Variants in TINAG observed in about 807,000 individuals in gnomAD.
TINAG encodes the protein tubulointerstitial nephritis antigen.
Under a neutral mutation model 72.7 loss-of-function variants are expected in TINAG, and 83 were observed. The ratio of observed to expected loss-of-function variants is 1.14; its 90% CI spans 0.96 to 1.37. TINAG has a LOEUF of 1.37. Ranked by LOEUF, TINAG falls within the 40% of genes most tolerant of loss-of-function variation. The pLI, the probability that TINAG is intolerant of heterozygous loss-of-function variation, is 0.00. For missense variants in TINAG, 685 were observed against 576.6 expected (o/e 1.19, Z -1.93); for synonymous variants, 234 against 189.9 (o/e 1.23, Z -1.91).
intron 8 of TINAG, 125 bp from the exon 9 acceptor site, chr6:54,354,388 A>G (rs1785340812): frequency 2.3e-6 from 2 of 853,912 alleles, no homozygotes; most frequent in African/African-American, 3.5e-5. Flanking sequence ...AGGCTGAATC[A>G]CACAGCCCCT....
intron 5 of TINAG, 131 bp from the exon 6 acceptor site, chr6:54,347,236 G>A: frequency 1.2e-6 from 1 of 824,952 alleles, no homozygotes; most frequent in Non-Finnish European, 1.8e-6. Context: ...ATATATTAAT[G>A]CTCTTTGGCT....
At chr6:54,364,895 C>T (rs910976915) in intron 9 of TINAG, among the ~76,000 whole-genome samples, 3 of 151,358 alleles carry the variant, frequency 2.0e-5, no homozygotes, top group African/African-American at 4.8e-5. Context: ...ATTTTCCATA[C>T]AAATAAATTT....
chr6:54,346,348 A>T (rs555720802), intron 5 of TINAG, among the ~76,000 whole-genome samples: 2 of 152,128 alleles, frequency 1.3e-5, no homozygotes, highest in South Asian at 2.1e-4. Flanking sequence ...GAATGAACTA[A>T]TAACAATTAC....
chr6:54,332,820 A>G (rs1784772559), intron 4 of TINAG, among the ~76,000 whole-genome samples: 1 of 152,200 alleles, frequency 6.6e-6, no homozygotes. Flanking sequence ...ATGAACAGAC[A>G]CTTCTCAAAA....
At chr6:54,372,719 A>AATAC (rs1417457608) in intron 9 of TINAG, among the ~76,000 whole-genome samples, 77 of 131,962 alleles carry the variant, frequency 5.8e-4, no homozygotes, top group Admixed American at 5.5e-3. Context: ...ATATTATATA[A>AATAC]ATACATACAT....
At chr6:54,337,381 G>T (rs1181146268) in intron 4 of TINAG, among the ~76,000 whole-genome samples, 1 of 151,400 alleles carries the variant, frequency 6.6e-6, no homozygotes, top group African/African-American at 2.4e-5. Context: ...AGCCTCCTGA[G>T]TAGCTGGGAT....
At chr6:54,322,455 G>A (rs146067740) in intron 3 of TINAG, among the ~76,000 whole-genome samples, 38 of 152,168 alleles carry the variant, frequency 2.5e-4, no homozygotes, top group African/African-American at 7.9e-4. Flanking sequence ...GCCATTGAAC[G>A]AATCTCGATA....
intron 5 of TINAG, among the ~76,000 whole-genome samples, chr6:54,343,664 T>A (rs1785055007): frequency 6.6e-6 from 1 of 151,886 alleles, no homozygotes; most frequent in South Asian, 2.1e-4. Flanking sequence ...AAGGTTCTTT[T>A]TCATTCATAT....
intron 4 of TINAG, among the ~76,000 whole-genome samples, chr6:54,342,645 G>A (rs554597770): frequency 6.6e-6 from 1 of 152,240 alleles, no homozygotes; most frequent in East Asian, 1.9e-4. Context: ...TGGGATTACA[G>A]GCGTGAGCCA....
chr6:54,320,297 T>C (rs182791822), intron 1 of TINAG, among the ~76,000 whole-genome samples: 4 of 152,254 alleles, frequency 2.6e-5, no homozygotes, highest in East Asian at 3.9e-4. Context: ...AATTATTTTT[T>C]AAGCATAGTG....
intron 4 of TINAG, among the ~76,000 whole-genome samples, chr6:54,334,790 A>G (rs1325648088): frequency 6.6e-6 from 1 of 152,188 alleles, no homozygotes; most frequent in Admixed American, 6.5e-5. Context: ...GCGTTGGCCA[A>G]TTCAGGTTCA....
Position 54,377,230 on chromosome 6 carries a change from G to C in TINAG, c.1251-3296G>C, listed in dbSNP as rs566347224. On this transcript the variant is annotated intron_variant, in intron 9 of 10. Transcript: ENST00000259782. ...CAAAGGTATAGAAATAACCTCAGTA[G>C]GCCAGGTACAGTGGCTCACACCTAT... 1.1e-4 allele frequency among the ~76,000 whole-genome samples: 16 copies of C among 152,250 alleles called. No homozygotes were observed. The East Asian group carries it at 3.1e-3, about 29-fold the overall frequency.
rs372092871 is a variant in TINAG at position 54,321,374 on chromosome 6, A to T, written c.497A>T (p.Lys166Ile). 9 of 1,611,934 alleles carry T rather than the reference A, an allele frequency of 5.6e-6. No homozygotes were observed. Among genetic ancestry groups the T allele is most frequent in the Non-Finnish European group, 5.9e-6 (7 of 1,178,342 alleles). ...VRSELIEQVN[K>I]GDYGWTAQNY... ...TCAGAATTAATTGAACAGGTCAATAAAGGAGACTATGGGTGAGAGAAATCT... is the reference window on the plus strand; with the variant it reads ...TCAGAATTAATTGAACAGGTCAATATAGGAGACTATGGGTGAGAGAAATCT... The change falls in exon 3 of 11, where the codon AAA becomes ATA. Residue 166 changes from lysine to isoleucine, a missense_variant. Physicochemically the swap from Lys to Ile is moderately radical, Grantham distance 102. Coordinates refer to ENST00000259782, the MANE Select transcript of TINAG (RefSeq NM_014464.4).
In TINAG at chr6:54,321,284, CA is replaced by C; in HGVS notation, c.420-12del. Reference sequence around the variant, plus strand: ...AAGACCAAGCCACTTTTGTAATTGTCATATCTTTGCAGCACATGCTCAGGAC... The same window carrying C: ...AAGACCAAGCCACTTTTGTAATTGTCTATCTTTGCAGCACATGCTCAGGAC... On this transcript the variant is annotated splice_polypyrimidine_tract_variant and intron_variant, in intron 2 of 10. Coordinates refer to ENST00000259782, the MANE Select transcript of TINAG (RefSeq NM_014464.4). 1 of 1,610,148 alleles carries C rather than the reference CA, an allele frequency of 6.2e-7. No individual in the cohort carries two copies.
At chr6:54,362,791 A>G (rs1394619212) in intron 9 of TINAG, among the ~76,000 whole-genome samples, 5 of 151,472 alleles carry the variant, frequency 3.3e-5, no homozygotes, top group Non-Finnish European at 7.4e-5. Context: ...AGTTCGACAT[A>G]TCAACATTCA....
At position 54,389,951 on chromosome 6, in the gene TINAG, A is replaced by T; in HGVS notation, c.*26A>T. ...CATATCATTAAATTTCCATAAGGTC[A>T]TGCCTTTAAGTAACCCCCTAAATTG... On this transcript the variant is annotated 3_prime_UTR_variant, in exon 11 of 11. Transcript: ENST00000259782. The T allele has an allele frequency of 6.2e-7, 1 of 1,601,962 alleles. No homozygotes were observed. The highest frequency in any genetic ancestry group is 1.1e-5 in the South Asian group (1 of 87,938).
chr6:54,358,748 C>T (rs984827524), intron 9 of TINAG, among the ~76,000 whole-genome samples: 2 of 151,770 alleles, frequency 1.3e-5, no homozygotes, highest in Non-Finnish European at 2.9e-5. Context: ...TTTTACTTCA[C>T]CCTGCTGCAT....
chr6:54,363,278 A>G (rs1763295983), intron 9 of TINAG, among the ~76,000 whole-genome samples: 1 of 151,628 alleles, frequency 6.6e-6, no homozygotes, highest in Non-Finnish European at 1.5e-5. Context: ...TTTTAAGTAG[A>G]AAAGTGGCAT....
At chr6:54,362,248 C>T (rs763785427) in intron 9 of TINAG, among the ~76,000 whole-genome samples, 1 of 151,670 alleles carries the variant, frequency 6.6e-6, no homozygotes, top group Non-Finnish European at 1.5e-5. Flanking sequence ...GATATCAAAG[C>T]TTCAAAGGAC....
Sources: allele counts gnomAD v4.1 joint callset (sites outside exome capture counted in the v4.1 genomes callset), GRCh38; gene constraint gnomAD v4.1.1; transcripts MANE v1.5; gene names NCBI Gene and HGNC (gene_info 2026-07-23, HGNC 2026-07-21).